The following ADD3 variants were observed in gnomAD, a reference collection of about 807,000 sequenced individuals.
The protein encoded by ADD3 is adducin 3.
A neutral mutation model predicts 80.2 loss-of-function variants in ADD3; 25 were observed. The observed-to-expected ratio is 0.31, with a 90% CI of 0.23 to 0.44. The LOEUF is 0.44. ADD3 is among the 20% of genes least tolerant of loss of function. The probability of loss-of-function intolerance (pLI) is 1.00; values close to 1 mark genes in which losing one functional copy is unlikely to be tolerated. For missense variants in ADD3, 829 were observed against 847.5 expected, an observed-to-expected ratio of 0.98 and a Z score of 0.27; for synonymous variants, 284 against 289.6, an observed-to-expected ratio of 0.98 and a Z score of 0.20.
At chr10:110,089,861 T>C (rs957959066) in intron 1 of ADD3, among the ~76,000 whole-genome samples, 1 of 152,204 alleles carries the variant, frequency 6.6e-6, no homozygotes, top group Admixed American at 6.5e-5. Context: ...CTCTGAACTT[T>C]CTGTACATGT....
intron 1 of ADD3, among the ~76,000 whole-genome samples, chr10:110,069,373 G>A (rs1023483075): frequency 6.6e-6 from 1 of 152,138 alleles, no homozygotes; most frequent in African/African-American, 2.4e-5. Flanking sequence ...TCAAATGAGT[G>A]ACCCAGTCTC....
At chr10:109,998,017 C>T (rs1851413853) in intron 1 of ADD3, among the ~76,000 whole-genome samples, 7 of 152,232 alleles carry the variant, frequency 4.6e-5, no homozygotes. Context: ...ATGTTCTAGA[C>T]TCTAGACTGT....
intron 1 of ADD3, among the ~76,000 whole-genome samples, chr10:110,061,316 T>G (rs919282052): frequency 1.3e-5 from 2 of 152,144 alleles, no homozygotes; most frequent in African/African-American, 4.8e-5. Context: ...AATGACAGTT[T>G]TATTGGTGTA....
intron 1 of ADD3, among the ~76,000 whole-genome samples, chr10:110,014,871 G>A (rs940159349): frequency 6.6e-6 from 1 of 151,652 alleles, no homozygotes; most frequent in Non-Finnish European, 1.5e-5. Flanking sequence ...ACTTTCCTAA[G>A]GGAAGGTAGA....
intron 1 of ADD3, among the ~76,000 whole-genome samples, chr10:110,043,111 A>G (rs1462449833): frequency 6.6e-6 from 1 of 152,240 alleles, no homozygotes; most frequent in African/African-American, 2.4e-5. Flanking sequence ...TACAGAGGAC[A>G]TAGTAATTTT....
At chr10:110,119,069 G>A in intron 6 of ADD3, 142 bp from the exon 7 acceptor site, 1 of 855,348 alleles carries the variant, frequency 1.2e-6, no homozygotes, top group Non-Finnish European at 1.8e-6. Context: ...AAAATGGGAA[G>A]TGAATAAAGT....
chr10:110,040,330 T>G (rs1252696002), intron 1 of ADD3, among the ~76,000 whole-genome samples: 1 of 152,196 alleles, frequency 6.6e-6, no homozygotes, highest in Admixed American at 6.5e-5. Flanking sequence ...GTAAAACCTT[T>G]GCCAAGACTG....
rs1357712220 is a variant in ADD3, at chr10:110,126,514, G to A, written c.1608+11G>A. 1.3e-6 allele frequency: 2 copies of A among 1,578,828 alleles called. No individual in the cohort carries two copies. Among genetic ancestry groups the A allele is most frequent in the Non-Finnish European group, 1.7e-6 (2 of 1,150,008 alleles). The stretch of plus-strand genomic sequence containing the variant: ...GATAAGCCACCTTCTGTAAGTTTAT[G>A]AAGTAGTATGATCTTTGTTTTTTAT... On this transcript the variant is annotated intron_variant, in intron 12 of 14. Coordinates refer to ENST00000356080, the MANE Select transcript of ADD3 (RefSeq NM_016824.5).
chr10:110,007,491 C>T (rs1426721969), upstream of ADD3, among the ~76,000 whole-genome samples: 4 of 152,120 alleles, frequency 2.6e-5, no homozygotes, highest in African/African-American at 9.7e-5. Context: ...GTAGGGGGCT[C>T]GCTCATTTAG....
At chr10:110,057,525 C>T (rs1858353670) in intron 1 of ADD3, among the ~76,000 whole-genome samples, 1 of 152,134 alleles carries the variant, frequency 6.6e-6, no homozygotes, top group Non-Finnish European at 1.5e-5. Flanking sequence ...TCACTTGGTG[C>T]TTCAAAATTA....
At chr10:110,015,120 C>T (rs1471903489) in intron 1 of ADD3, among the ~76,000 whole-genome samples, 1 of 152,094 alleles carries the variant, frequency 6.6e-6, no homozygotes, top group Non-Finnish European at 1.5e-5. Flanking sequence ...TGAATTCTAT[C>T]TGATTGCTTA....
chr10:110,083,719 C>T (rs998161688), intron 1 of ADD3, among the ~76,000 whole-genome samples: 3 of 152,000 alleles, frequency 2.0e-5, no homozygotes, highest in African/African-American at 7.2e-5. Flanking sequence ...TTCCTGGATG[C>T]TTTTTTATTT....
At chr10:110,006,373 T>C (rs1461403535), upstream of ADD3, among the ~76,000 whole-genome samples, 2 of 152,194 alleles carry the variant, frequency 1.3e-5, no homozygotes. Context: ...AGGCTAACCT[T>C]GATGCATGCA....
intron 2 of ADD3, among the ~76,000 whole-genome samples, chr10:110,103,505 G>T (rs1849072999): frequency 6.6e-6 from 1 of 152,328 alleles, no homozygotes; most frequent in South Asian, 2.1e-4. Context: ...TTCTAAAGCT[G>T]CTTGAGTGTT....
At chr10:110,119,610 G>A (rs373881716) in intron 8 of ADD3, 46 bp downstream of exon 8, 51 of 1,520,820 alleles carry the variant, frequency 3.4e-5, no homozygotes, top group South Asian at 1.6e-4. Context: ...TTATTTGCTC[G>A]TTTAGTTGGA....
chr10:110,102,411 C>T (rs890127788), intron 2 of ADD3, among the ~76,000 whole-genome samples: 11 of 152,026 alleles, frequency 7.2e-5, no homozygotes, highest in South Asian at 2.1e-4. Context: ...GAGTTTGAGA[C>T]GAGCCTGGGC....
chr10:110,030,880 C>T (rs886542626), intron 1 of ADD3, among the ~76,000 whole-genome samples: 1 of 151,672 alleles, frequency 6.6e-6, no homozygotes, highest in Non-Finnish European at 1.5e-5. Context: ...CTCTAACTCT[C>T]CCATTGATGA....
chr10:110,005,924 GTAAT>G (rs1348480539), upstream of ADD3: 1 of 175,578 alleles, frequency 5.7e-6, no homozygotes, highest in Non-Finnish European at 1.2e-5. Context: ...GCGCCTAATG[GTAAT>G]TGTAGAGTTT....
chr10:110,076,234 C>A (rs1457595744), intron 1 of ADD3, among the ~76,000 whole-genome samples: 1 of 152,074 alleles, frequency 6.6e-6, no homozygotes. Context: ...TGGTTAAAAT[C>A]ACTTGAATAA....
Sources: gnomAD v4.1 joint callset for allele counts (sites outside exome capture counted in the v4.1 genomes callset) on GRCh38, gnomAD v4.1.1 for gene constraint, MANE v1.5 for transcripts, NCBI Gene and HGNC (gene_info 2026-07-23, HGNC 2026-07-21) for gene names.